The following GLDN variants were observed in gnomAD, a reference collection of about 807,000 sequenced individuals.
The protein encoded by GLDN is gliomedin.
GLDN carries 47 observed loss-of-function variants against 56.5 expected under a neutral mutation model. The ratio of observed to expected loss-of-function variants is 0.83; its 90% CI spans 0.66 to 1.06. The LOEUF (loss-of-function observed/expected upper bound fraction) is 1.06. Ranked by LOEUF, GLDN falls within the 50% of genes least tolerant of loss-of-function variation. The pLI is 0.00. For synonymous variants in GLDN, 332 were observed against 278.8 expected, an observed-to-expected ratio of 1.19 and a Z score of -1.90; for missense variants, 782 against 714.3, an observed-to-expected ratio of 1.09 and a Z score of -1.08.
intron 2 of GLDN, among the ~76,000 whole-genome samples, chr15:51,379,856 C>A (rs1278896975): frequency 6.6e-6 from 1 of 152,186 alleles, no homozygotes; most frequent in Non-Finnish European, 1.5e-5. Flanking sequence ...AAAAGGCTTT[C>A]TTCTTTCTTC....
intron 9 of GLDN, among the ~76,000 whole-genome samples, chr15:51,402,180 G>A (rs529191347): frequency 6.6e-6 from 1 of 152,218 alleles, no homozygotes; most frequent in African/African-American, 2.4e-5. Context: ...TGAACCCCTA[G>A]TCAAGCGTCT....
intron 5 of GLDN, among the ~76,000 whole-genome samples, chr15:51,397,217 T>C (rs2038148256): frequency 6.6e-6 from 1 of 152,184 alleles, no homozygotes; most frequent in Non-Finnish European, 1.5e-5. Context: ...TGTCCACTTG[T>C]AGAGAGAATG....
downstream of GLDN, among the ~76,000 whole-genome samples, chr15:51,410,261 G>A (rs1311874202): frequency 6.6e-6 from 1 of 152,182 alleles, no homozygotes; most frequent in Non-Finnish European, 1.5e-5. Flanking sequence ...TGAACACTGC[G>A]ATGCACTCAC....
At chr15:51,378,808 A>G (rs978050019) in intron 2 of GLDN, among the ~76,000 whole-genome samples, 2 of 152,174 alleles carry the variant, frequency 1.3e-5, no homozygotes, top group African/African-American at 4.8e-5. Flanking sequence ...TTTGGGATAG[A>G]CCACGAGGCC....
intron 1 of GLDN, among the ~76,000 whole-genome samples, chr15:51,350,194 G>A (rs1386525813): frequency 1.3e-5 from 2 of 152,194 alleles, no homozygotes; most frequent in Non-Finnish European, 2.9e-5. Context: ...GTAGGGCTGA[G>A]CCAGGCTGCT....
chr15:51,394,303 G>A (rs1405462634), intron 4 of GLDN, among the ~76,000 whole-genome samples: 1 of 152,124 alleles, frequency 6.6e-6, no homozygotes, highest in African/African-American at 2.4e-5. Context: ...TGTTGGCTCA[G>A]CCAAATTTCT....
intron 2 of GLDN, among the ~76,000 whole-genome samples, chr15:51,379,343 C>T (rs1043555089): frequency 6.6e-6 from 1 of 152,212 alleles, no homozygotes; most frequent in South Asian, 2.1e-4. Flanking sequence ...TCACTCACTG[C>T]ATCCTCTTCG....
chr15:51,404,769 C>T lies in GLDN; in HGVS notation c.*15C>T, dbSNP rs1477464626. On this transcript the variant is annotated 3_prime_UTR_variant, in exon 10 of 10. Transcript: ENST00000335449. ...TAAATCAGTGATGTGCTGCATTCGG[C>T]TCCCTTCAGCAAATTTCAGGGGTTT... The T allele has an allele frequency of 7.4e-7, 1 of 1,348,304 alleles. No individual in the cohort carries two copies. Among genetic ancestry groups the T allele is most frequent in the African/African-American group, 1.4e-5 (1 of 69,356 alleles). 83.5% of individuals were successfully genotyped at this position (1,348,304 alleles called of 1,614,324 possible).
chr15:51,381,116 G>A (rs778025958), intron 2 of GLDN, among the ~76,000 whole-genome samples: 2 of 152,194 alleles, frequency 1.3e-5, no homozygotes, highest in African/African-American at 2.4e-5. Context: ...ACTCTTGCAG[G>A]ACACCCTAAT....
At position 51,400,518 on chromosome 15, in the gene GLDN, G is replaced by C. The variant is rs375652066; in HGVS notation, c.1027+20G>C. 1.7e-4 allele frequency: 276 copies of C among 1,609,882 alleles called. No individual in the cohort carries two copies. Among genetic ancestry groups the C allele is most frequent in the Non-Finnish European group, 2.3e-4 (267 of 1,178,206 alleles). ...TTTCAGGTACTTGCACTCGGCCTAT[G>C]ACCCATATCTGTGTGGTAACTGTAT... is the stretch of plus-strand genomic sequence containing the variant. On this transcript the variant is annotated intron_variant, in intron 8 of 9. Transcript: ENST00000335449.
chr15:51,346,620 C>T (rs932954574), intron 1 of GLDN, among the ~76,000 whole-genome samples: 5 of 152,110 alleles, frequency 3.3e-5, no homozygotes, highest in African/African-American at 9.7e-5. Flanking sequence ...ATTGGGAAGC[C>T]TTTTCTTTCA....
intron 4 of GLDN, 176 bp downstream of exon 4, chr15:51,384,068 G>A: frequency 1.5e-6 from 1 of 673,478 alleles, no homozygotes; most frequent in Non-Finnish European, 2.7e-6. Context: ...TATACTTCTT[G>A]GTCCCACCTT....
chr15:51,396,893 G>A (rs1438971210), intron 5 of GLDN, among the ~76,000 whole-genome samples: 5 of 152,182 alleles, frequency 3.3e-5, no homozygotes, highest in East Asian at 3.8e-4. Flanking sequence ...AATTTAAGAC[G>A]TGTTTTGACA....
downstream of GLDN, among the ~76,000 whole-genome samples, chr15:51,412,987 T>A (rs1389327745): frequency 2.0e-5 from 3 of 152,212 alleles, no homozygotes. Flanking sequence ...ACTCCTTAGT[T>A]TAGACCATTT....
At position 51,405,121 on chromosome 15, in the gene GLDN, T is replaced by G. The variant is rs183132996; in HGVS notation, c.*367T>G. On this transcript the variant is annotated 3_prime_UTR_variant, in exon 10 of 10. Transcript: ENST00000335449. Reference sequence around the variant, plus strand: ...TGTATCTGCTTCTGTCGTTTAGCTTTTTTAGCCACATGCTGACCAAATTTA... The same window carrying G: ...TGTATCTGCTTCTGTCGTTTAGCTTGTTTAGCCACATGCTGACCAAATTTA... 1 of 217,832 alleles carries G rather than the reference T, an allele frequency of 4.6e-6. No homozygotes were observed. Among genetic ancestry groups the G allele is most frequent in the East Asian group, 1.2e-4 (1 of 8,292 alleles). 13.5% of individuals were successfully genotyped at this position (217,832 alleles called of 1,614,324 possible). A position where few individuals can be genotyped will look rare whatever the true frequency, so the allele number is the denominator to read the frequency against.
intron 1 of GLDN, among the ~76,000 whole-genome samples, chr15:51,376,052 T>C (rs915231913): frequency 6.6e-6 from 1 of 152,250 alleles, no homozygotes; most frequent in Non-Finnish European, 1.5e-5. Flanking sequence ...ATAGCGAATA[T>C]TCTTAGATCT....
intron 2 of GLDN, among the ~76,000 whole-genome samples, chr15:51,378,742 A>C (rs1027158169): frequency 3.3e-5 from 5 of 152,204 alleles, no homozygotes; most frequent in Non-Finnish European, 7.3e-5. Flanking sequence ...TTTGCACAGA[A>C]AGTTCTTCAA....
At position 51,397,509 on chromosome 15, in the gene GLDN, C is replaced by T. The variant is rs1460279342; in HGVS notation, c.728C>T (p.Pro243Leu). ...GDQGPPGPPG[P>L]PGPPGPPGPP... ...CAAGGCCCACCCGGTCCACCTGGGCCCCCAGGCCCTCCAGGTCCTCCAGGG... is the reference window on the plus strand; with the variant it reads ...CAAGGCCCACCCGGTCCACCTGGGCTCCCAGGCCCTCCAGGTCCTCCAGGG... Residue 243 changes from proline (P) to leucine (L), a missense_variant, in exon 6 of 10, where the codon CCC (proline) becomes CTC (leucine). Physicochemically the swap from Pro to Leu is moderately conservative, Grantham distance 98 (BLOSUM62 -3). Transcript: ENST00000335449. The T allele has an allele frequency of 1.3e-6, 2 of 1,590,386 alleles. No individual in the cohort carries two copies. Among genetic ancestry groups the T allele is most frequent in the South Asian group, 1.1e-5 (1 of 87,712 alleles).
intron 4 of GLDN, among the ~76,000 whole-genome samples, chr15:51,386,699 G>T (rs557260999): frequency 6.6e-6 from 1 of 152,340 alleles, no homozygotes; most frequent in East Asian, 1.9e-4. Flanking sequence ...GGGGACAGCG[G>T]GCGGGGGCGG....
Sources: gnomAD v4.1 joint callset for allele counts (sites outside exome capture counted in the v4.1 genomes callset) on GRCh38, gnomAD v4.1.1 for gene constraint, MANE v1.5 for transcripts, NCBI Gene and HGNC (gene_info 2026-07-23, HGNC 2026-07-21) for gene names.